FAM13A: variants seen among roughly 807,000 people sequenced by gnomAD.
FAM13A encodes the protein protein FAM13A.
FAM13A carries 76 observed loss-of-function variants against 129.6 expected under a neutral mutation model. The observed-to-expected ratio is 0.59, with a 90% CI of 0.49 to 0.71. FAM13A has a LOEUF of 0.71. FAM13A is among the 30% of genes least tolerant of loss of function. FAM13A has a pLI of 0.00. For synonymous variants in FAM13A, 443 were observed against 449.9 expected, an observed-to-expected ratio of 0.98 and a Z score of 0.20; for missense variants, 1,108 against 1,249.3, an observed-to-expected ratio of 0.89 and a Z score of 1.70.
intron 3 of FAM13A, among the ~76,000 whole-genome samples, chr4:89,016,832 G>T (rs1766559455): frequency 6.6e-6 from 1 of 152,030 alleles, no homozygotes; most frequent in South Asian, 2.1e-4. Flanking sequence ...ATGCGGTTTT[G>T]CCATGTCACC....
At chr4:88,900,684 T>C (rs560909875) in intron 6 of FAM13A, among the ~76,000 whole-genome samples, 6 of 152,052 alleles carry the variant, frequency 3.9e-5, no homozygotes, top group Admixed American at 2.6e-4. Flanking sequence ...TACCAGCCAA[T>C]ACAAAACCAC....
chr4:88,933,955 C>T (rs371515599), intron 5 of FAM13A, among the ~76,000 whole-genome samples: 2 of 152,076 alleles, frequency 1.3e-5, no homozygotes, highest in Non-Finnish European at 2.9e-5. Context: ...TCCTTTGTGG[C>T]CTCATTTCGT....
Position 88,787,850 on chromosome 4 carries a change from A to G in FAM13A, c.1174T>C (p.Ser392Pro). Residue 392 changes from serine to proline, a missense_variant, in exon 10 of 24, where the codon TCA becomes CCA. By Grantham distance (74) the Ser-to-Pro change is moderately conservative. This residue lies in a region of FAM13A where 566 missense variants were observed against 595.7 expected (regional missense o/e 0.95). Coordinates refer to ENST00000264344, the MANE Select transcript of FAM13A (RefSeq NM_014883.4). The part of the protein sequence containing the change: ...NNSGGQSSED[S>P]ESGTLSASSA... The stretch of plus-strand genomic sequence containing the variant: ...GATGCTGATAGTGTTCCAGATTCTG[A>G]GTCCTCTGAACTTTGACCTCCAGAG... 2 of 1,613,664 alleles carry G rather than the reference A, an allele frequency of 1.2e-6. No homozygotes were observed. The highest frequency in any genetic ancestry group is 1.7e-6 in the Non-Finnish European group (2 of 1,179,712).
intron 1 of FAM13A, among the ~76,000 whole-genome samples, chr4:89,042,370 C>T (rs1770263388): frequency 6.6e-6 from 1 of 152,124 alleles, no homozygotes; most frequent in African/African-American, 2.4e-5. Flanking sequence ...CCAAATAGTG[C>T]TCTGTCAGAA....
intron 21 of FAM13A, among the ~76,000 whole-genome samples, chr4:88,734,904 T>C (rs116055255): frequency 0.013 from 1,918 of 152,346 alleles, 55 homozygotes; most frequent in African/African-American, 0.044. Flanking sequence ...GTCTCAGTCA[T>C]CCAGATCAAT....
intron 3 of FAM13A, among the ~76,000 whole-genome samples, chr4:88,992,359 T>C (rs1238509064): frequency 6.6e-6 from 1 of 151,786 alleles, no homozygotes; most frequent in African/African-American, 2.4e-5. Flanking sequence ...CTCTGCCTCC[T>C]GGGTTCAAGC....
intron 9 of FAM13A, among the ~76,000 whole-genome samples, chr4:88,788,433 G>C (rs1035627980): frequency 6.6e-6 from 1 of 151,992 alleles, no homozygotes; most frequent in South Asian, 2.1e-4. Flanking sequence ...ATGATATTTT[G>C]GGAAAAAACT....
At chr4:88,775,391 G>A (rs1721495254) in intron 11 of FAM13A, among the ~76,000 whole-genome samples, 1 of 152,050 alleles carries the variant, frequency 6.6e-6, no homozygotes. Context: ...AGACTATAGG[G>A]AAATGATGTA....
chr4:89,023,935 AG>A (rs1342214331), intron 2 of FAM13A, among the ~76,000 whole-genome samples: 2 of 152,182 alleles, frequency 1.3e-5, no homozygotes, highest in South Asian at 4.1e-4. Context: ...TATTCAGAAA[AG>A]GGGGATATTT....
At chr4:88,893,134 G>A (rs2150172020) in intron 6 of FAM13A, among the ~76,000 whole-genome samples, 1 of 152,278 alleles carries the variant, frequency 6.6e-6, no homozygotes, top group Middle Eastern at 3.4e-3. Context: ...ATAAACATAT[G>A]AAAAACTGCC....
chr4:88,951,504 T>C (rs993281648), intron 4 of FAM13A, among the ~76,000 whole-genome samples: 1 of 152,212 alleles, frequency 6.6e-6, no homozygotes, highest in South Asian at 2.1e-4. Context: ...AGATTACTTA[T>C]AAATTTTATG....
At chr4:88,815,223 T>A (rs1196169245) in intron 7 of FAM13A, among the ~76,000 whole-genome samples, 1 of 152,148 alleles carries the variant, frequency 6.6e-6, no homozygotes, top group African/African-American at 2.4e-5. Context: ...ATAAAACATA[T>A]GTCTTAAACC....
intron 8 of FAM13A, among the ~76,000 whole-genome samples, chr4:88,795,091 T>C (rs1411828045): frequency 6.6e-6 from 1 of 151,794 alleles, no homozygotes; most frequent in Non-Finnish European, 1.5e-5. Flanking sequence ...TAGTGGAACA[T>C]TTGTTGGTAT....
At chr4:88,945,984 G>GTGTGTATGTATGTA (rs1231799027) in intron 4 of FAM13A, among the ~76,000 whole-genome samples, 4 of 25,886 alleles carry the variant, frequency 1.5e-4, no homozygotes, top group African/African-American at 7.1e-4. Flanking sequence ...GTGTGTGTGT[G>GTGTGTATGTATGTA]TGTGTGTATA....
intron 6 of FAM13A, among the ~76,000 whole-genome samples, chr4:88,882,094 T>C (rs1743672734): frequency 6.6e-6 from 1 of 152,196 alleles, no homozygotes; most frequent in Non-Finnish European, 1.5e-5. Context: ...CTGGCCTTGC[T>C]AGAGATCTAG....
At chr4:88,774,226 C>T (rs1306034361) in intron 11 of FAM13A, among the ~76,000 whole-genome samples, 4 of 152,208 alleles carry the variant, frequency 2.6e-5, no homozygotes, top group African/African-American at 4.8e-5. Flanking sequence ...CGATCCTTTA[C>T]CTCTTACCAC....
chr4:88,776,055 T>C (rs1477574017), intron 11 of FAM13A, among the ~76,000 whole-genome samples: 2 of 152,220 alleles, frequency 1.3e-5, no homozygotes, highest in Non-Finnish European at 2.9e-5. Flanking sequence ...TAAAAGGAAG[T>C]TGTTCGTAGA....
At chr4:88,876,737 G>A (rs943795836) in intron 6 of FAM13A, among the ~76,000 whole-genome samples, 11 of 152,140 alleles carry the variant, frequency 7.2e-5, no homozygotes, top group South Asian at 2.1e-4. Flanking sequence ...GACTACAGGT[G>A]CCTGCCACCA....
At chr4:88,827,770 C>G (rs1353691986) in intron 7 of FAM13A, among the ~76,000 whole-genome samples, 1 of 152,158 alleles carries the variant, frequency 6.6e-6, no homozygotes, top group Non-Finnish European at 1.5e-5. Context: ...ATTCTTTCTG[C>G]CACCATAGCA....
Sources: allele counts gnomAD v4.1 joint callset (sites outside exome capture counted in the v4.1 genomes callset), GRCh38; gene constraint gnomAD v4.1.1; regional missense constraint gnomAD v4.1.1; transcripts MANE v1.5; gene names NCBI Gene and HGNC (gene_info 2026-07-23, HGNC 2026-07-21).